Variants in SPRED2 observed in about 807,000 individuals in gnomAD.
The protein encoded by SPRED2 is sprouty-related, EVH1 domain-containing protein 2.
A neutral mutation model predicts 43.0 loss-of-function variants in SPRED2; 47 were observed. The observed-to-expected ratio is 1.09, with a 90% CI of 0.87 to 1.40. The LOEUF (loss-of-function observed/expected upper bound fraction) is 1.40. Ranked by LOEUF, SPRED2 falls within the 40% of genes most tolerant of loss-of-function variation. The pLI is 0.00. For missense variants in SPRED2, 561 were observed against 586.4 expected (o/e 0.96, Z 0.45); for synonymous variants, 225 against 225.7 (o/e 1.00, Z 0.03).
chr2:65,314,107 G>A lies in SPRED2; in HGVS notation c.651C>T (p.Ile217=). 6.2e-7 allele frequency: 1 copy of A among 1,612,132 alleles called. No individual in the cohort carries two copies. Among genetic ancestry groups the A allele is most frequent in the Non-Finnish European group, 8.5e-7 (1 of 1,178,378 alleles). The change falls in exon 6 of 6, where the codon ATC becomes ATT. Residue 217 remains isoleucine (I), a synonymous_variant. Coordinates refer to ENST00000356388, the MANE Select transcript of SPRED2 (RefSeq NM_181784.3). ...FPDDDEEIVR[I]NPREKIWMTG... ...TCATCCAGATCTTCTCCCGGGGGTT[G>A]ATGCGCACGATCTCCTCGTCGTCGT...
In SPRED2 at chr2:65,311,640, G is replaced by A; in HGVS notation, c.*1861C>T. 1 of 985,816 alleles carries A rather than the reference G, an allele frequency of 1.0e-6. No individual in the cohort carries two copies. Among genetic ancestry groups the A allele is most frequent in the Non-Finnish European group, 1.2e-6 (1 of 829,950 alleles). 61.1% of individuals were successfully genotyped at this position (985,816 alleles called of 1,614,324 possible). A position where few individuals can be genotyped will look rare whatever the true frequency, so the allele number is the denominator to read the frequency against. On this transcript the variant is annotated 3_prime_UTR_variant, in exon 6 of 6. Coordinates refer to ENST00000356388, the MANE Select transcript of SPRED2 (RefSeq NM_181784.3). ...TTCTAGATGTTCTCCAGGCATGGAT[G>A]AGGTTCTCTTTTCTTCCATCAATCC...
intron 4 of SPRED2, among the ~76,000 whole-genome samples, chr2:65,325,429 C>A (rs533673305): frequency 6.6e-6 from 1 of 152,194 alleles, no homozygotes; most frequent in Non-Finnish European, 1.5e-5. Flanking sequence ...CAGGGAGATT[C>A]GAAAACCTCA....
In SPRED2 at chr2:65,326,755, C is replaced by T. The variant is rs984344887; in HGVS notation, c.438+5232G>A. On this transcript the variant is annotated intron_variant, in intron 4 of 5. Transcript: ENST00000356388. ...CTGGGCTCAAGTGATCTTCCCGCCT[C>T]GGCCTCCCAAAGTGTTGGGATTAAA... is the stretch of plus-strand genomic sequence containing the variant. Among the ~76,000 whole-genome samples, 8 of 152,216 alleles carry T rather than the reference C, an allele frequency of 5.3e-5. No individual in the cohort carries two copies. In the South Asian group the frequency reaches 6.2e-4, roughly 12 times the overall value.
At chr2:65,326,124 T>C (rs1298893278) in intron 4 of SPRED2, among the ~76,000 whole-genome samples, 1 of 152,216 alleles carries the variant, frequency 6.6e-6, no homozygotes, top group Non-Finnish European at 1.5e-5. Flanking sequence ...TGCTGCAATC[T>C]ACCACCAAAA....
chr2:65,329,071 A>G (rs1260102684), intron 4 of SPRED2, among the ~76,000 whole-genome samples: 1 of 152,220 alleles, frequency 6.6e-6, no homozygotes. Flanking sequence ...TATGTGCTCT[A>G]TCCATGCCTT....
At chr2:65,310,461 ACACAC>A (rs1673039632), downstream of SPRED2, among the ~76,000 whole-genome samples, 1 of 26,614 alleles carries the variant, frequency 3.8e-5, no homozygotes, top group Admixed American at 3.9e-4. Flanking sequence ...TCCAAACTAC[ACACAC>A]ACACACACAC....
At chr2:65,344,990 T>G in intron 1 of SPRED2, 94 bp from the exon 2 acceptor site, 1 of 1,272,082 alleles carries the variant, frequency 7.9e-7, no homozygotes, top group Non-Finnish European at 1.1e-6. Flanking sequence ...AGCCAGCACT[T>G]TTTTTGTTTT....
At chr2:65,382,802 C>T (rs1306030680) in intron 1 of SPRED2, among the ~76,000 whole-genome samples, 1 of 152,124 alleles carries the variant, frequency 6.6e-6, no homozygotes, top group African/African-American at 2.4e-5. Flanking sequence ...TCAGTTCGTA[C>T]AAGCCTCATT....
At chr2:65,339,645 T>A (rs541819279) in intron 2 of SPRED2, among the ~76,000 whole-genome samples, 1 of 149,202 alleles carries the variant, frequency 6.7e-6, no homozygotes, top group Admixed American at 6.7e-5. Flanking sequence ...TTCCCTCCAC[T>A]AGTGTCCTAT....
At chr2:65,316,282 A>C (rs1673230201) in intron 5 of SPRED2, among the ~76,000 whole-genome samples, 1 of 152,226 alleles carries the variant, frequency 6.6e-6, no homozygotes, top group South Asian at 2.1e-4. Context: ...GGCTCGAGCC[A>C]AGTGTGCAGC....
chr2:65,379,396 A>G (rs1447719331), intron 1 of SPRED2, among the ~76,000 whole-genome samples: 1 of 152,140 alleles, frequency 6.6e-6, no homozygotes, highest in African/African-American at 2.4e-5. Context: ...GCAAAGAGGA[A>G]GGAGAATTCT....
At chr2:65,353,147 C>T (rs1438319554) in intron 1 of SPRED2, among the ~76,000 whole-genome samples, 2 of 152,052 alleles carry the variant, frequency 1.3e-5, no homozygotes, top group Non-Finnish European at 2.9e-5. Context: ...GTGCAGGAGC[C>T]TCAGAGGGGG....
chr2:65,371,815 C>T, intron 1 of SPRED2, among the ~76,000 whole-genome samples: 1 of 152,042 alleles, frequency 6.6e-6, no homozygotes, highest in Non-Finnish European at 1.5e-5. Flanking sequence ...GTGGCTCACG[C>T]CTCTAATCCC....
downstream of SPRED2, among the ~76,000 whole-genome samples, chr2:65,307,836 AG>A (rs1672971364): frequency 6.6e-6 from 1 of 152,226 alleles, no homozygotes; most frequent in African/African-American, 2.4e-5. Context: ...TTCTAAACAA[AG>A]GAAGAGCGGT....
At chr2:65,309,505 CAA>C (rs35507211), downstream of SPRED2, among the ~76,000 whole-genome samples, 278 of 59,992 alleles carry the variant, frequency 4.6e-3, no homozygotes, top group Middle Eastern at 0.031. Context: ...GACCCTGTCT[CAA>C]AAAAAAAAAA....
chr2:65,409,963 G>A (rs752642445), intron 1 of SPRED2, among the ~76,000 whole-genome samples: 1 of 151,542 alleles, frequency 6.6e-6, no homozygotes, highest in Non-Finnish European at 1.5e-5. Context: ...CAGGGAGGTG[G>A]AGGTTGCAGT....
chr2:65,414,393 A>G (rs76270463), intron 1 of SPRED2, among the ~76,000 whole-genome samples: 415 of 145,092 alleles, frequency 2.9e-3, no homozygotes, highest in African/African-American at 0.011. Flanking sequence ...TTTGAGAACC[A>G]CGGAGTATCA....
chr2:65,313,591 G>T lies in SPRED2; in HGVS notation c.1167C>A (p.Pro389=), dbSNP rs375203802. 1.2e-6 allele frequency: 2 copies of T among 1,614,078 alleles called. No individual in the cohort carries two copies. Among genetic ancestry groups the T allele is most frequent in the East Asian group, 4.5e-5 (2 of 44,892 alleles). ...GAAGGGGCAGGTAACAGCACATACAGGGGGCCAGGAAAGACAAGGCAATAA... is the reference window on the plus strand; with the variant it reads ...GAAGGGGCAGGTAACAGCACATACATGGGGCCAGGAAAGACAAGGCAATAA... The part of the protein sequence containing the change: ...MALIALSFLA[P]CMCCYLPLRA... Residue 389 remains proline (P), a synonymous_variant, in exon 6 of 6, where the codon CCC becomes CCA. Coordinates refer to ENST00000356388, the MANE Select transcript of SPRED2 (RefSeq NM_181784.3).
chr2:65,353,814 G>A (rs1674573888), intron 1 of SPRED2, among the ~76,000 whole-genome samples: 1 of 152,120 alleles, frequency 6.6e-6, no homozygotes. Flanking sequence ...CCATCGCTGA[G>A]TGCTACCTTA....
Sources: gnomAD v4.1 joint callset for allele counts (sites outside exome capture counted in the v4.1 genomes callset) on GRCh38, gnomAD v4.1.1 for gene constraint, MANE v1.5 for transcripts, NCBI Gene and HGNC (gene_info 2026-07-23, HGNC 2026-07-21) for gene names.